Variants in KCNT2 observed in about 807,000 individuals in gnomAD.
KCNT2 encodes the protein potassium channel subfamily T member 2.
KCNT2 carries 67 observed loss-of-function variants against 153.8 expected under a neutral mutation model. That is an observed-to-expected ratio of 0.44 (90% CI 0.36 to 0.53). The LOEUF (loss-of-function observed/expected upper bound fraction) is 0.53, where lower values mean the gene tolerates loss of function less well. Ranked by LOEUF, KCNT2 falls within the 20% of genes least tolerant of loss-of-function variation. The pLI, the probability that KCNT2 is intolerant of heterozygous loss-of-function variation, is 0.00. For missense variants in KCNT2, 975 were observed against 1,354.8 expected, an observed-to-expected ratio of 0.72 and a Z score of 4.40; for synonymous variants, 500 against 458.8, an observed-to-expected ratio of 1.09 and a Z score of -1.15.
intron 7 of KCNT2, among the ~76,000 whole-genome samples, chr1:196,466,804 A>G (rs1677659572): frequency 6.6e-6 from 1 of 152,030 alleles, no homozygotes; most frequent in Admixed American, 6.6e-5. Context: ...GAATGACTCA[A>G]TGGAAATGCC....
At chr1:196,555,322 A>G (rs1312283723) in intron 1 of KCNT2, among the ~76,000 whole-genome samples, 1 of 151,534 alleles carries the variant, frequency 6.6e-6, no homozygotes, top group Non-Finnish European at 1.5e-5. Context: ...TACAAAATCA[A>G]CATACAAAAA....
At chr1:196,462,624 G>C (rs1677248639) in intron 8 of KCNT2, among the ~76,000 whole-genome samples, 1 of 151,378 alleles carries the variant, frequency 6.6e-6, no homozygotes, top group Non-Finnish European at 1.5e-5. Flanking sequence ...AACTTTTGAG[G>C]TGTTAACATT....
intron 17 of KCNT2, 64 bp downstream of exon 17, chr1:196,333,783 G>A: frequency 2.1e-6 from 2 of 961,478 alleles, no homozygotes; most frequent in South Asian, 2.7e-5. Flanking sequence ...GGTATGTAAA[G>A]AAAATACTTA....
intron 26 of KCNT2, among the ~76,000 whole-genome samples, chr1:196,250,795 T>C (rs554037633): frequency 1.3e-4 from 20 of 152,108 alleles, no homozygotes; most frequent in African/African-American, 4.3e-4. Context: ...TAGTATTCAA[T>C]TTAAAAATGG....
At chr1:196,564,653 A>G (rs1659863866) in intron 1 of KCNT2, among the ~76,000 whole-genome samples, 1 of 152,006 alleles carries the variant, frequency 6.6e-6, no homozygotes, top group Non-Finnish European at 1.5e-5. Flanking sequence ...AAACAGATAC[A>G]AAGATCAATG....
rs533471828 is a variant in KCNT2, at chr1:196,318,565, T to C, written c.2348+919A>G. Reference sequence around the variant, plus strand: ...AACAGAACACTATTACCTCAAAAGATTTCAAAAAAGATGATTGGTTATAAA... The same window carrying C: ...AACAGAACACTATTACCTCAAAAGACTTCAAAAAAGATGATTGGTTATAAA... On this transcript the variant is annotated intron_variant, in intron 20 of 27. Coordinates refer to ENST00000294725, the MANE Select transcript of KCNT2 (RefSeq NM_198503.5). Among the ~76,000 whole-genome samples the C allele has an allele frequency of 4.6e-5, 7 of 151,900 alleles. No homozygotes were observed. In the South Asian group the frequency reaches 1.0e-3, roughly 22 times the overall value.
chr1:196,524,861 G>T (rs1653966014), intron 1 of KCNT2, among the ~76,000 whole-genome samples: 1 of 152,078 alleles, frequency 6.6e-6, no homozygotes, highest in African/African-American at 2.4e-5. Flanking sequence ...TCCATAAACT[G>T]TCTTCTAGCT....
chr1:196,508,393 T>C (rs1203090277), intron 1 of KCNT2, among the ~76,000 whole-genome samples: 1 of 152,048 alleles, frequency 6.6e-6, no homozygotes, highest in Non-Finnish European at 1.5e-5. Flanking sequence ...AAAGTATGTA[T>C]AAAATTTCTG....
At chr1:196,317,333 T>A (rs2148026432) in intron 20 of KCNT2, 1 of 429,108 alleles carries the variant, frequency 2.3e-6, no homozygotes, top group East Asian at 7.3e-5. Context: ...GACCATAACA[T>A]CCAACCACTA....
intron 23 of KCNT2, among the ~76,000 whole-genome samples, chr1:196,284,243 AAAAAAATATATATAT>A (rs1659412396): frequency 4.4e-5 from 2 of 45,722 alleles, no homozygotes; most frequent in South Asian, 1.9e-3. Context: ...AAAAAAAAAA[AAAAAAATATATATAT>A]ATATATATAT....
chr1:196,335,219 A>G (rs556713567), intron 16 of KCNT2, among the ~76,000 whole-genome samples: 2 of 152,240 alleles, frequency 1.3e-5, no homozygotes, highest in African/African-American at 2.4e-5. Flanking sequence ...CATTCTTTGA[A>G]ACAATTACAG....
chr1:196,471,168 A>G (rs1489111679), intron 5 of KCNT2, among the ~76,000 whole-genome samples: 2 of 151,904 alleles, frequency 1.3e-5, no homozygotes, highest in East Asian at 1.9e-4. Context: ...CGGCCTCCCA[A>G]AGTGCTGGGA....
intron 5 of KCNT2, 143 bp downstream of exon 5, chr1:196,479,036 T>C (rs1678778704): frequency 1.6e-6 from 1 of 622,086 alleles, no homozygotes; most frequent in African/African-American, 1.9e-5. Context: ...TACAGCTTTT[T>C]ATCAGCTACT....
At chr1:196,500,749 G>A (rs1317356519) in intron 1 of KCNT2, among the ~76,000 whole-genome samples, 1 of 152,098 alleles carries the variant, frequency 6.6e-6, no homozygotes, top group African/African-American at 2.4e-5. Flanking sequence ...GAAACAAACA[G>A]AGTAAATAGA....
At chr1:196,476,785 A>AT (rs546110444) in intron 5 of KCNT2, among the ~76,000 whole-genome samples, 31 of 151,720 alleles carry the variant, frequency 2.0e-4, no homozygotes, top group East Asian at 5.8e-4. Flanking sequence ...AACAATGAAG[A>AT]TTTTTTTTTA....
chr1:196,513,432 G>T (rs1681796252), intron 1 of KCNT2, among the ~76,000 whole-genome samples: 1 of 152,164 alleles, frequency 6.6e-6, no homozygotes, highest in Non-Finnish European at 1.5e-5. Context: ...GAACACATTT[G>T]TTAATTTTAA....
intron 14 of KCNT2, 60 bp from the exon 15 acceptor site, chr1:196,342,288 A>T: frequency 6.8e-7 from 1 of 1,465,090 alleles, no homozygotes; most frequent in Non-Finnish European, 9.4e-7. Context: ...GAATGTGGTT[A>T]AAAAACAGTT....
chr1:196,408,331 T>C (rs1050843106), intron 12 of KCNT2, among the ~76,000 whole-genome samples: 2 of 151,542 alleles, frequency 1.3e-5, no homozygotes, highest in African/African-American at 4.8e-5. Context: ...CTTTGGTAGA[T>C]ATTTATCATA....
At chr1:196,377,492 C>T (rs1669073547) in intron 13 of KCNT2, among the ~76,000 whole-genome samples, 2 of 151,910 alleles carry the variant, frequency 1.3e-5, no homozygotes. Flanking sequence ...TTCCCTACTA[C>T]CCATTTTCCT....
Sources: gnomAD v4.1 joint callset for allele counts (sites outside exome capture counted in the v4.1 genomes callset) on GRCh38, gnomAD v4.1.1 for gene constraint, MANE v1.5 for transcripts, NCBI Gene and HGNC (gene_info 2026-07-23, HGNC 2026-07-21) for gene names.